The following PTPRD variants were observed in gnomAD, a reference collection of about 807,000 sequenced individuals.
PTPRD encodes receptor-type tyrosine-protein phosphatase delta.
PTPRD carries 34 observed loss-of-function variants against 214.5 expected under a neutral mutation model. The ratio of observed to expected loss-of-function variants is 0.16; its 90% CI spans 0.12 to 0.21. PTPRD has a LOEUF of 0.21. Ranked by LOEUF, PTPRD falls within the 10% of genes least tolerant of loss-of-function variation. The pLI is 1.00. For synonymous variants in PTPRD, 1,128 were observed against 845.7 expected, an observed-to-expected ratio of 1.33 and a Z score of -5.79; for missense variants, 2,545 against 2,398.7, an observed-to-expected ratio of 1.06 and a Z score of -1.27.
At chr9:8,361,496 C>A (rs1368056962) in intron 39 of PTPRD, among the ~76,000 whole-genome samples, 1 of 152,134 alleles carries the variant, frequency 6.6e-6, no homozygotes, top group Non-Finnish European at 1.5e-5. Flanking sequence ...CAGATTATAA[C>A]AGCATAGGAC....
rs188328204 is a variant in PTPRD, at chr9:10,014,817, G to C, written c.-472+18901C>G. 5.9e-5 allele frequency among the ~76,000 whole-genome samples: 9 copies of C among 152,128 alleles called. 1 individual carries two copies. In the East Asian group the frequency reaches 1.7e-3, roughly 29 times the overall value. ...CAAAAGACCTTTGATGTGACTAAGT[G>C]CGTGGTTATTTCTATATTTAATTGT... On this transcript the variant is annotated intron_variant, in intron 4 of 45. Coordinates refer to ENST00000381196, the MANE Select transcript of PTPRD (RefSeq NM_002839.4).
chr9:9,340,345 C>T (rs74921748), intron 9 of PTPRD, among the ~76,000 whole-genome samples: 1,617 of 152,266 alleles, frequency 0.011, 27 homozygotes, highest in African/African-American at 0.037. Flanking sequence ...TTTCTCAGAA[C>T]ACTGAAGATT....
At chr9:10,578,295 G>A (rs1293081737) in intron 2 of PTPRD, among the ~76,000 whole-genome samples, 1 of 152,076 alleles carries the variant, frequency 6.6e-6, no homozygotes, top group African/African-American at 2.4e-5. Flanking sequence ...AATGATTTGA[G>A]TTTAGGAAGA....
chr9:9,655,202 T>C (rs540191157), intron 7 of PTPRD, among the ~76,000 whole-genome samples: 24 of 152,232 alleles, frequency 1.6e-4, no homozygotes, highest in Admixed American at 1.3e-3. Context: ...GCACAAGATA[T>C]AGCTGATAAA....
rs374748615 is a variant in PTPRD at position 9,658,237 on chromosome 9, T to C, written c.-287+76296A>G. ...ACTCTGATGGTAAAATCATTCATTA[T>C]CCAATTGCTCTGGAAGAACAAAGAG... On this transcript the variant is annotated intron_variant, in intron 7 of 45. Coordinates refer to ENST00000381196, the MANE Select transcript of PTPRD (RefSeq NM_002839.4). Among the ~76,000 whole-genome samples the C allele has an allele frequency of 8.5e-5, 13 of 152,280 alleles. No individual in the cohort carries two copies. In the East Asian group the frequency reaches 1.9e-3, roughly 23 times the overall value.
At chr9:8,612,803 A>C (rs2095495552) in intron 14 of PTPRD, among the ~76,000 whole-genome samples, 1 of 152,162 alleles carries the variant, frequency 6.6e-6, no homozygotes, top group South Asian at 2.1e-4. Context: ...AACAATGAAG[A>C]CATTTCACAT....
intron 8 of PTPRD, among the ~76,000 whole-genome samples, chr9:9,433,407 A>G (rs1240612596): frequency 6.6e-6 from 1 of 152,188 alleles, no homozygotes; most frequent in Non-Finnish European, 1.5e-5. Flanking sequence ...CAATGTTTAT[A>G]CTTAAAGTGG....
At chr9:10,050,969 A>G (rs1419058761) in intron 3 of PTPRD, among the ~76,000 whole-genome samples, 1 of 152,186 alleles carries the variant, frequency 6.6e-6, no homozygotes, top group Non-Finnish European at 1.5e-5. Flanking sequence ...TTTCATAAAT[A>G]TTAAAACTTC....
chr9:9,916,057 C>T (rs112185541), intron 5 of PTPRD, among the ~76,000 whole-genome samples: 50 of 149,664 alleles, frequency 3.3e-4, no homozygotes, highest in African/African-American at 1.0e-3. Context: ...GAGAATGAGG[C>T]GATATATCCA....
At chr9:9,144,660 C>T (rs942049427) in intron 10 of PTPRD, among the ~76,000 whole-genome samples, 3 of 151,814 alleles carry the variant, frequency 2.0e-5, no homozygotes, top group Non-Finnish European at 2.9e-5. Flanking sequence ...GGTTGAAGCA[C>T]GAGAATCACT....
chr9:10,210,952 C>A (rs2099514422), intron 3 of PTPRD, among the ~76,000 whole-genome samples: 1 of 150,594 alleles, frequency 6.6e-6, no homozygotes, highest in South Asian at 2.1e-4. Flanking sequence ...TTCACCTATA[C>A]ACAATGGCAA....
chr9:10,386,104 G>C (rs2097909575), intron 2 of PTPRD, among the ~76,000 whole-genome samples: 2 of 151,784 alleles, frequency 1.3e-5, no homozygotes, highest in African/African-American at 4.8e-5. Context: ...TACTTAGCAA[G>C]TGGATTTTAT....
intron 2 of PTPRD, among the ~76,000 whole-genome samples, chr9:10,503,752 T>G (rs2133357016): frequency 6.6e-6 from 1 of 152,030 alleles, no homozygotes; most frequent in East Asian, 1.9e-4. Context: ...TTATACGTGC[T>G]AGGAAGGAAA....
At chr9:10,346,726 A>G (rs535597444) in intron 2 of PTPRD, among the ~76,000 whole-genome samples, 2 of 152,256 alleles carry the variant, frequency 1.3e-5, no homozygotes, top group East Asian at 1.9e-4. Flanking sequence ...GAGAGAGGAT[A>G]TCTTGTTTTC....
At chr9:8,786,909 A>AT (rs567883770) in intron 11 of PTPRD, among the ~76,000 whole-genome samples, 37 of 152,016 alleles carry the variant, frequency 2.4e-4, no homozygotes, top group African/African-American at 8.9e-4. Flanking sequence ...TGAGAAAACT[A>AT]CTTTATTTAT....
intron 3 of PTPRD, among the ~76,000 whole-genome samples, chr9:10,122,237 G>C (rs1807970934): frequency 6.6e-6 from 1 of 152,184 alleles, no homozygotes; most frequent in African/African-American, 2.4e-5. Flanking sequence ...GAACCTGGGA[G>C]GTGGAGGCTG....
At chr9:10,559,115 G>T (rs910717945) in intron 2 of PTPRD, among the ~76,000 whole-genome samples, 1 of 152,014 alleles carries the variant, frequency 6.6e-6, no homozygotes, top group East Asian at 1.9e-4. Context: ...TTAGAAAATA[G>T]AAAAACATGA....
chr9:9,334,522 G>C (rs1374954542), intron 9 of PTPRD, among the ~76,000 whole-genome samples: 1 of 151,938 alleles, frequency 6.6e-6, no homozygotes, highest in Non-Finnish European at 1.5e-5. Context: ...TGATGGTCTG[G>C]TGGGAAGATC....
At chr9:8,548,557 G>A (rs189524615) in intron 14 of PTPRD, among the ~76,000 whole-genome samples, 73 of 151,728 alleles carry the variant, frequency 4.8e-4, no homozygotes, top group Non-Finnish European at 7.4e-4. Context: ...TAGTAGAGAT[G>A]GGGTTTCGCC....
Sources: gnomAD v4.1 joint callset for allele counts (sites outside exome capture counted in the v4.1 genomes callset) on GRCh38, gnomAD v4.1.1 for gene constraint, MANE v1.5 for transcripts, NCBI Gene and HGNC (gene_info 2026-07-23, HGNC 2026-07-21) for gene names.